BSN: variants seen among roughly 807,000 people sequenced by gnomAD.
The protein encoded by BSN is protein bassoon.
Under a neutral mutation model 264.8 loss-of-function variants are expected in BSN, and 57 were observed. That is an observed-to-expected ratio of 0.22 (90% CI 0.17 to 0.27). The LOEUF is 0.27. Among genes scored for constraint, BSN ranks in the 10% least tolerant of loss-of-function variants. The pLI, the probability that BSN is intolerant of heterozygous loss-of-function variation, is 1.00. For synonymous variants in BSN, 2,059 were observed against 2,137.3 expected (o/e 0.96, Z 1.01); for missense variants, 4,615 against 5,232.5 (o/e 0.88, Z 3.64).
Position 49,655,314 on chromosome 3 carries a change from G to T in BSN, c.5758G>T (p.Ala1920Ser). The part of the protein sequence containing the change: ...GSSCTGTFHP[A>S]PSVPEKSMAD... ...CAGCTGCACTGGCACCTTCCACCCG[G>T]CCCCCAGTGTGCCTGAGAAGAGCAT... is the stretch of plus-strand genomic sequence containing the variant. The change falls in exon 5 of 12, where the codon GCC becomes TCC. Residue 1920 changes from alanine (A) to serine (S), a missense_variant. Coordinates refer to ENST00000296452, the MANE Select transcript of BSN (RefSeq NM_003458.4). 2 of 1,610,796 alleles carry T rather than the reference G, an allele frequency of 1.2e-6. No individual in the cohort carries two copies. Among genetic ancestry groups the T allele is most frequent in the Non-Finnish European group, 1.7e-6 (2 of 1,178,854 alleles).
chr3:49,654,160 A>G lies in BSN; in HGVS notation c.4604A>G (p.Gln1535Arg). Reference protein sequence around the residue: ...TPSPMVAQGTQTPHRPSTPRL... With the variant: ...TPSPMVAQGTRTPHRPSTPRL... ...TCACCTATGGTAGCCCAGGGTACAC[A>G]AACACCACATCGACCCAGCACGCCT... The change falls in exon 5 of 12, where the codon CAA becomes CGA. Residue 1535 changes from glutamine to arginine, a missense_variant. Coordinates refer to ENST00000296452, the MANE Select transcript of BSN (RefSeq NM_003458.4). This position sits in a 1 kb window ranked among gnomAD's most constrained non-coding sequence, Gnocchi z 4.1. 1 of 1,613,972 alleles carries G rather than the reference A, an allele frequency of 6.2e-7. No individual in the cohort carries two copies. The highest frequency in any genetic ancestry group is 8.5e-7 in the Non-Finnish European group (1 of 1,179,998).
At chr3:49,626,473 G>T (rs780558390) in intron 2 of BSN, among the ~76,000 whole-genome samples, 10 of 152,184 alleles carry the variant, frequency 6.6e-5, no homozygotes, top group Non-Finnish European at 1.2e-4. Context: ...GGAGCTGTCG[G>T]TGTGGGGAGA....
In BSN at chr3:49,585,199, G is replaced by GTT. The variant is rs34989545; in HGVS notation, c.224+30382_224+30383dup. Among the ~76,000 whole-genome samples, 317 of 149,150 alleles carry GTT rather than the reference G, an allele frequency of 2.1e-3. 1 individual carries two copies. The highest frequency in any genetic ancestry group is 0.01 in the Middle Eastern group (3 of 290). On this transcript the variant is annotated intron_variant, in intron 1 of 11. Coordinates refer to ENST00000296452, the MANE Select transcript of BSN (RefSeq NM_003458.4). This position sits in a 1 kb window ranked among gnomAD's most constrained non-coding sequence, Gnocchi z 4.7. ...TCATATGGTAGCCCAATTTTTAGTT[G>GTT]TTTTTTTTTTAATTTTAATTTTTAT...
chr3:49,663,001 C>G lies in BSN; in HGVS notation c.10843C>G (p.His3615Asp), dbSNP rs752411655. The change falls in exon 7 of 12, where the codon CAC (histidine) becomes GAC (aspartate). Residue 3615 changes from histidine (H) to aspartate (D), a missense_variant. Coordinates refer to ENST00000296452, the MANE Select transcript of BSN (RefSeq NM_003458.4). The part of the protein sequence containing the change: ...SSSQKRGPAR[H>D]SYHDYDEPPE... ...CTCCCAGAAGCGAGGCCCTGCCAGG[C>G]ACAGCTACCATGACTACGATGAACC... 1 of 1,614,118 alleles carries G rather than the reference C, an allele frequency of 6.2e-7. No homozygotes were observed. The highest frequency in any genetic ancestry group is 2.2e-5 in the East Asian group (1 of 44,884).
chr3:49,631,425 G>A (rs552239276), intron 2 of BSN, among the ~76,000 whole-genome samples: 4 of 152,110 alleles, frequency 2.6e-5, no homozygotes, highest in East Asian at 1.9e-4. Flanking sequence ...ATACATGGTG[G>A]TGCATGCCTG....
At chr3:49,624,515 T>C (rs1313324495) in intron 1 of BSN, among the ~76,000 whole-genome samples, 1 of 151,584 alleles carries the variant, frequency 6.6e-6, no homozygotes, top group Non-Finnish European at 1.5e-5. Flanking sequence ...GGCAGGCTGG[T>C]CTTGAACTTC....
intron 1 of BSN, among the ~76,000 whole-genome samples, chr3:49,559,675 T>C (rs1289300373): frequency 6.6e-6 from 1 of 152,224 alleles, no homozygotes; most frequent in Non-Finnish European, 1.5e-5. Flanking sequence ...TTCTCTCCTT[T>C]TTGCTCCTTG....
intron 1 of BSN, among the ~76,000 whole-genome samples, chr3:49,587,857 A>T (rs1006426629): frequency 4.2e-5 from 6 of 141,194 alleles, no homozygotes; most frequent in Admixed American, 3.6e-4. Context: ...AACTTCTGTC[A>T]TTTTGTTACT....
Position 49,658,173 on chromosome 3 carries a change from C to A in BSN, c.8617C>A (p.His2873Asn). 6.3e-7 allele frequency: 1 copy of A among 1,579,618 alleles called. No individual in the cohort carries two copies. Reference sequence around the variant, plus strand: ...CAAAGAGAGATTCTCCCTCTACCAGCACCAGGGGGGACTGGGTAGCCAGGT... The same window carrying A: ...CAAAGAGAGATTCTCCCTCTACCAGAACCAGGGGGGACTGGGTAGCCAGGT... The part of the protein sequence containing the change: ...SAKERFSLYQ[H>N]QGGLGSQVSA... The change falls in exon 5 of 12, where the codon CAC becomes AAC. Residue 2873 changes from histidine (H) to asparagine (N), a missense_variant. Transcript: ENST00000296452.
intron 1 of BSN, among the ~76,000 whole-genome samples, chr3:49,609,959 G>A (rs1317970466): frequency 6.6e-6 from 1 of 152,206 alleles, no homozygotes; most frequent in Non-Finnish European, 1.5e-5. Context: ...ACCCGAGCCC[G>A]TGGGTCATTC....
intron 1 of BSN, 29 bp downstream of exon 1, chr3:49,554,855 C>T: frequency 2.6e-6 from 3 of 1,166,502 alleles, no homozygotes; most frequent in South Asian, 8.5e-5. Context: ...GCCCGGGGGG[C>T]GGTGAGCTGC....
intron 1 of BSN, among the ~76,000 whole-genome samples, chr3:49,615,465 G>A (rs1183751963): frequency 6.6e-6 from 1 of 152,154 alleles, no homozygotes; most frequent in Non-Finnish European, 1.5e-5. Context: ...CATCAGAGTG[G>A]GACTACAACA....
intron 1 of BSN, among the ~76,000 whole-genome samples, chr3:49,623,800 G>A (rs2052321555): frequency 6.6e-6 from 1 of 152,180 alleles, no homozygotes; most frequent in Non-Finnish European, 1.5e-5. Context: ...CAGCAATCTA[G>A]GGTCAGCCTC....
At chr3:49,614,091 G>A (rs546199964) in intron 1 of BSN, among the ~76,000 whole-genome samples, 65 of 124,840 alleles carry the variant, frequency 5.2e-4, no homozygotes, top group Non-Finnish European at 9.1e-4. Context: ...ACGGAGTCTC[G>A]CTCTGTCGCC....
At chr3:49,641,524 T>C (rs1293618938) in intron 2 of BSN, 1 of 152,190 alleles carries the variant, frequency 6.6e-6, no homozygotes, top group Non-Finnish European at 1.5e-5. Context: ...TCTCGTTTGC[T>C]CTGGAGGCAT....
chr3:49,656,933 G>C lies in BSN; in HGVS notation c.7377G>C (p.Gln2459His). The C allele has an allele frequency of 1.3e-6, 2 of 1,597,468 alleles. No homozygotes were observed. The highest frequency in any genetic ancestry group is 1.7e-6 in the Non-Finnish European group (2 of 1,171,012). Residue 2459 changes from glutamine to histidine, a missense_variant, in exon 5 of 12, where the codon CAG (glutamine) becomes CAC (histidine). Transcript: ENST00000296452. Reference protein sequence around the residue: ...RLQLEQIQQLQQQLQQQLEEQ... With the variant: ...RLQLEQIQQLHQQLQQQLEEQ... ...AGCTGGAGCAGATCCAGCAGCTGCA[G>C]CAGCAGCTGCAGCAGCAGCTAGAGG...
chr3:49,673,008 T>A (rs528958557), downstream of BSN, among the ~76,000 whole-genome samples: 2 of 139,998 alleles, frequency 1.4e-5, no homozygotes, highest in East Asian at 4.6e-4. Context: ...CTCGATCTCC[T>A]GACCTCGTGA....
rs2052664463 is a variant in BSN, at chr3:49,662,194, G to A, written c.10349G>A (p.Ser3450Asn). ...CGGTCCCGGGCACCTTCTGCATACA[G>A]TGGGGAGAAGCTGTCCAGCCACGAC... is the stretch of plus-strand genomic sequence containing the variant. ...SSRSRAPSAYSGEKLSSHDFS... is the reference protein window; with the variant it reads ...SSRSRAPSAYNGEKLSSHDFS... Residue 3450 changes from serine (S) to asparagine (N), a missense_variant, in exon 6 of 12, where the codon AGT becomes AAT. Ser to Asn is a conservative substitution (Grantham distance 46). This residue lies in a region of BSN where 3,415 missense variants were observed against 3,866.4 expected (regional missense o/e 0.88). Coordinates refer to ENST00000296452, the MANE Select transcript of BSN (RefSeq NM_003458.4). 1.9e-6 allele frequency: 3 copies of A among 1,612,938 alleles called. No individual in the cohort carries two copies. Among genetic ancestry groups the A allele is most frequent in the Middle Eastern group, 1.6e-4 (1 of 6,084 alleles).
rs1559600038 is a variant in BSN at position 49,593,185 on chromosome 3, AG to A, written c.225-31789del. Among the ~76,000 whole-genome samples, 3 of 152,318 alleles carry A rather than the reference AG, an allele frequency of 2.0e-5. No individual in the cohort carries two copies. The East Asian group carries it at 5.8e-4, about 29-fold the overall frequency. On this transcript the variant is annotated intron_variant, in intron 1 of 11. Transcript: ENST00000296452. ...CTTTTGGGGTTGGCTTTTTTCACTC[AG>A]TGTAATTCCCTAGAGATTCATCCAC...
Sources: gnomAD v4.1 joint callset for allele counts (sites outside exome capture counted in the v4.1 genomes callset) on GRCh38, gnomAD v4.1.1 for gene constraint, gnomAD v4.1.1 regional missense constraint, Gnocchi (gnomAD v3.1) non-coding constraint, MANE v1.5 for transcripts, NCBI Gene and HGNC (gene_info 2026-07-23, HGNC 2026-07-21) for gene names.